The following CUL9 variants were observed in gnomAD, a reference collection of about 807,000 sequenced individuals.
CUL9 encodes the protein cullin-9.
CUL9 carries 79 observed loss-of-function variants against 272.6 expected under a neutral mutation model. The observed-to-expected ratio is 0.29, with a 90% CI of 0.24 to 0.35. The LOEUF (loss-of-function observed/expected upper bound fraction) is 0.35. Among genes scored for constraint, CUL9 ranks in the 10% least tolerant of loss-of-function variants. The pLI is 1.00. For synonymous variants in CUL9, 1,186 were observed against 1,286.5 expected, an observed-to-expected ratio of 0.92 and a Z score of 1.67; for missense variants, 2,532 against 3,255.6, an observed-to-expected ratio of 0.78 and a Z score of 5.41.
Position 43,216,592 on chromosome 6 carries a change from C to T in CUL9, c.6282+89C>T, listed in dbSNP as rs913249830. 3.3e-6 allele frequency: 4 copies of T among 1,214,880 alleles called. No individual in the cohort carries two copies. In the Admixed American group the frequency reaches 9.0e-5, roughly 27 times the overall value. The allele number at this position is 1,214,880 out of a possible 1,614,324, so 75.3% of individuals were successfully genotyped here. A position where few individuals can be genotyped will look rare whatever the true frequency, so the allele number is the denominator to read the frequency against. ...GGAATTCTTGGGTTCTAGCCCAGCA[C>T]TGCCATTTTCATCACCTGGGCAATA... On this transcript the variant is annotated intron_variant, in intron 31 of 40. Coordinates refer to ENST00000252050, the MANE Select transcript of CUL9 (RefSeq NM_015089.4).
chr6:43,219,187 TAA>T (rs1194374593), intron 31 of CUL9, among the ~76,000 whole-genome samples: 1 of 149,776 alleles, frequency 6.7e-6, no homozygotes, highest in African/African-American at 2.4e-5. Context: ...AGACTTTGTT[TAA>T]AAGAGAGAGA....
intron 16 of CUL9, among the ~76,000 whole-genome samples, chr6:43,201,946 A>C (rs1370977567): frequency 6.6e-6 from 1 of 152,218 alleles, no homozygotes; most frequent in Admixed American, 6.5e-5. Context: ...TTTATTGAGA[A>C]AGCTCACTCT....
intron 1 of CUL9, among the ~76,000 whole-genome samples, chr6:43,183,692 C>CCCTTCCTTCCTTTCTT (rs1772633697): frequency 6.7e-6 from 1 of 149,556 alleles, no homozygotes; most frequent in African/African-American, 2.5e-5. Flanking sequence ...TTGTAAACTC[C>CCCTTCCTTCCTTTCTT]CCTTCCTTCC....
chr6:43,220,393 C>A lies in CUL9; in HGVS notation c.6283-66C>A. 1 of 1,576,690 alleles carries A rather than the reference C, an allele frequency of 6.3e-7. No homozygotes were observed. The highest frequency in any genetic ancestry group is 2.2e-5 in the East Asian group (1 of 44,512). On this transcript the variant is annotated intron_variant, in intron 31 of 40. Coordinates refer to ENST00000252050, the MANE Select transcript of CUL9 (RefSeq NM_015089.4). The surrounding 1 kb of genome is among the most constrained non-coding windows in gnomAD (Gnocchi z 4.9). ...GGAAGGAGGGACGCTAGCTTAGTTA[C>A]CAGGACACTCCCCCTGTGCTGCTCC...
chr6:43,208,513 GTTTAAA>G (rs1421576951), intron 26 of CUL9, among the ~76,000 whole-genome samples: 1 of 152,108 alleles, frequency 6.6e-6, no homozygotes, highest in Non-Finnish European at 1.5e-5. Context: ...GCTGTAATCA[GTTTAAA>G]TTTAAATAGT....
In CUL9 at chr6:43,196,278, C is replaced by T; in HGVS notation, c.2585+13C>T. ...TGAATACTGAGGGGTCAGGGCATTA[C>T]CTTCCCAACTCCAGGCTCCTGCTTA... On this transcript the variant is annotated intron_variant, in intron 10 of 40. Transcript: ENST00000252050. 1 of 1,606,702 alleles carries T rather than the reference C, an allele frequency of 6.2e-7. No individual in the cohort carries two copies. The highest frequency in any genetic ancestry group is 8.5e-7 in the Non-Finnish European group (1 of 1,175,986).
chr6:43,200,584 C>A lies in CUL9; in HGVS notation c.3475+58C>A. On this transcript the variant is annotated intron_variant, in intron 15 of 40. Transcript: ENST00000252050. The surrounding 1 kb of genome is among the most constrained non-coding windows in gnomAD (Gnocchi z 4.0). Reference sequence around the variant, plus strand: ...CATCCAGTGTCTGTTCTCCCCTTCCCTTCCTGCTCCTTAGACCTTTTCCTT... The same window carrying A: ...CATCCAGTGTCTGTTCTCCCCTTCCATTCCTGCTCCTTAGACCTTTTCCTT... The A allele has an allele frequency of 6.2e-7, 1 of 1,613,848 alleles. No homozygotes were observed. Among genetic ancestry groups the A allele is most frequent in the Admixed American group, 1.7e-5 (1 of 59,982 alleles).
At chr6:43,193,279 G>C (rs1237864307) in intron 9 of CUL9, 71 bp downstream of exon 9, 2 of 1,397,840 alleles carry the variant, frequency 1.4e-6, no homozygotes, top group Admixed American at 1.7e-5. Context: ...TGATCTTGAG[G>C]GGGTACTTTG....
At chr6:43,187,580 G>T in intron 6 of CUL9, 133 bp from the exon 7 acceptor site, 1 of 1,318,960 alleles carries the variant, frequency 7.6e-7, no homozygotes, top group Non-Finnish European at 1.1e-6. Context: ...GCTGGGGGTT[G>T]GAGGCAAGTG....
intron 16 of CUL9, among the ~76,000 whole-genome samples, chr6:43,201,620 C>T (rs1037871748): frequency 1.3e-5 from 2 of 152,218 alleles, no homozygotes; most frequent in Non-Finnish European, 2.9e-5. Flanking sequence ...GCTGGGACTA[C>T]AGGCGCCTGC....
chr6:43,188,433 A>G (rs1773121397), intron 7 of CUL9, 90 bp from the exon 8 acceptor site: 11 of 1,256,058 alleles, frequency 8.8e-6, no homozygotes, highest in Admixed American at 4.8e-5. Flanking sequence ...GTGTTTAAAT[A>G]TTGGTAGGAT....
rs754841884 is a variant in CUL9, at chr6:43,216,226, T to C, written c.6005T>C (p.Val2002Ala). 9.9e-6 allele frequency: 16 copies of C among 1,613,668 alleles called. No individual in the cohort carries two copies. Among genetic ancestry groups the C allele is most frequent in the Admixed American group, 1.7e-5 (1 of 59,996 alleles). Residue 2002 changes from valine (V) to alanine (A), a missense_variant, in exon 31 of 41, where the codon GTA (valine) becomes GCA (alanine). Val to Ala is a moderately conservative substitution (Grantham distance 64, BLOSUM62 0). Around this residue, in one of 3 missense-constraint regions of CUL9, gnomAD observed 2,218 missense variants for 2,788.6 expected, o/e 0.80. Transcript: ENST00000252050. ...GGCCGCACCATGAGCCCCCAGGAAGTAGAAGGGTTGATGAAGCAGACGGTG... is the reference window on the plus strand; with the variant it reads ...GGCCGCACCATGAGCCCCCAGGAAGCAGAAGGGTTGATGAAGCAGACGGTG... ...PAGRTMSPQE[V>A]EGLMKQTVRQ...
chr6:43,188,617 C>A lies in CUL9; in HGVS notation c.2082C>A (p.Asp694Glu). ...CCACTGTGCAGATATCCAGCTTGGACACAAACCTGCAGCTTTCAGGGCTCT... is the reference window on the plus strand; with the variant it reads ...CCACTGTGCAGATATCCAGCTTGGAAACAAACCTGCAGCTTTCAGGGCTCT... ...VVATVQISSLDTNLQLSGLSA... is the reference protein window; with the variant it reads ...VVATVQISSLETNLQLSGLSA... The change falls in exon 8 of 41, where the codon GAC becomes GAA. Residue 694 changes from aspartate (D) to glutamate (E), a missense_variant. Physicochemically the swap from Asp to Glu is conservative, Grantham distance 45. Coordinates refer to ENST00000252050, the MANE Select transcript of CUL9 (RefSeq NM_015089.4). 6.2e-7 allele frequency: 1 copy of A among 1,614,200 alleles called. No homozygotes were observed.
Position 43,219,030 on chromosome 6 carries a change from GA to G in CUL9, c.6283-1422del, listed in dbSNP as rs552326214. Among the ~76,000 whole-genome samples, 19 of 152,170 alleles carry G rather than the reference GA, an allele frequency of 1.2e-4. No homozygotes were observed. In the South Asian group the frequency reaches 2.3e-3, roughly 18 times the overall value. ...CAAGACCCCATAGCTACAAAAAATA[GA>G]AAAAAACTTTACCCAGGCATGGTGG... On this transcript the variant is annotated intron_variant, in intron 31 of 40. Transcript: ENST00000252050.
rs776304532 is a variant in CUL9, at chr6:43,224,435, C to A, written c.7544C>A (p.Ala2515Asp). ...FGDEEEDEDEAYD is the reference protein window; with the variant it reads ...FGDEEEDEDEDYD ...GATGAGGAAGAGGATGAAGATGAGG[C>A]CTATGACTGAGGGGGCAGATGCAGG... Residue 2515 changes from alanine (A) to aspartate (D), a missense_variant, in exon 41 of 41, where the codon GCC becomes GAC. Physicochemically the swap from Ala to Asp is moderately radical, Grantham distance 126. Around this residue, in one of 3 missense-constraint regions of CUL9, gnomAD observed 237 missense variants for 305.9 expected, o/e 0.77. Coordinates refer to ENST00000252050, the MANE Select transcript of CUL9 (RefSeq NM_015089.4). This position sits in a 1 kb window ranked among gnomAD's most constrained non-coding sequence, Gnocchi z 4.2. 8.1e-5 allele frequency: 131 copies of A among 1,613,266 alleles called. No homozygotes were observed. The highest frequency in any genetic ancestry group is 1.1e-4 in the Non-Finnish European group (128 of 1,179,744).
At chr6:43,182,802 C>T (rs1225562685) in intron 1 of CUL9, among the ~76,000 whole-genome samples, 1 of 152,138 alleles carries the variant, frequency 6.6e-6, no homozygotes, top group East Asian at 1.9e-4. Flanking sequence ...CTGGGTTTAC[C>T]TTCTTCCATT....
intron 36 of CUL9, 27 bp from the exon 37 acceptor site, chr6:43,222,504 G>A: frequency 1.2e-6 from 2 of 1,612,518 alleles, no homozygotes; most frequent in Non-Finnish European, 1.7e-6. Flanking sequence ...CACCTGTGCT[G>A]GTACTGATAC....
rs770015985 is a variant in CUL9 at position 43,203,842 on chromosome 6, G to A, written c.4026-12G>A. ...TGCCATTAATCCTCCGCCATGCACT[G>A]TTTGTTCCCAGACTGAACAGGGTTT... On this transcript the variant is annotated splice_polypyrimidine_tract_variant and intron_variant, in intron 19 of 40. Coordinates refer to ENST00000252050, the MANE Select transcript of CUL9 (RefSeq NM_015089.4). The surrounding 1 kb of genome is among the most constrained non-coding windows in gnomAD (Gnocchi z 5.0). The A allele has an allele frequency of 1.2e-5, 20 of 1,602,522 alleles. No individual in the cohort carries two copies. Among genetic ancestry groups the A allele is most frequent in the Non-Finnish European group, 1.6e-5 (19 of 1,172,978 alleles).
In CUL9 at chr6:43,186,342, C is replaced by G; in HGVS notation, c.1138C>G (p.Gln380Glu). The G allele has an allele frequency of 1.9e-6, 3 of 1,614,222 alleles. No individual in the cohort carries two copies. The highest frequency in any genetic ancestry group is 2.5e-6 in the Non-Finnish European group (3 of 1,180,026). The change falls in exon 4 of 41, where the codon CAG becomes GAG. Residue 380 changes from glutamine (Q) to glutamate (E), a missense_variant. By Grantham distance (29) the Gln-to-Glu change is conservative. Around this residue, in one of 3 missense-constraint regions of CUL9, gnomAD observed 2,218 missense variants for 2,788.6 expected, o/e 0.80. Coordinates refer to ENST00000252050, the MANE Select transcript of CUL9 (RefSeq NM_015089.4). ...CCGTAGTGGCTATGGAGAATATGTG[C>G]AGCAGACACTGCAGCCAGGGATGCG... is the stretch of plus-strand genomic sequence containing the variant. Reference protein sequence around the residue: ...SSRSGYGEYVQQTLQPGMRVR... With the variant: ...SSRSGYGEYVEQTLQPGMRVR...
Sources: gnomAD v4.1 joint callset for allele counts (sites outside exome capture counted in the v4.1 genomes callset) on GRCh38, gnomAD v4.1.1 for gene constraint, gnomAD v4.1.1 regional missense constraint, Gnocchi (gnomAD v3.1) non-coding constraint, MANE v1.5 for transcripts, NCBI Gene and HGNC (gene_info 2026-07-23, HGNC 2026-07-21) for gene names.